The following ECT2 variants were observed in gnomAD, a reference collection of about 807,000 sequenced individuals.
ECT2 encodes the protein protein ECT2.
Under a neutral mutation model 116.9 loss-of-function variants are expected in ECT2, and 61 were observed. That is an observed-to-expected ratio of 0.52 (90% CI 0.42 to 0.65). The LOEUF is 0.65. ECT2 is among the 30% of genes least tolerant of loss of function. ECT2 has a pLI of 0.00. For missense variants in ECT2, 937 were observed against 1,078.7 expected, an observed-to-expected ratio of 0.87 and a Z score of 1.84; for synonymous variants, 358 against 346.4, an observed-to-expected ratio of 1.03 and a Z score of -0.37.
intron 14 of ECT2, among the ~76,000 whole-genome samples, chr3:172,781,925 G>T (rs1011980851): frequency 2.6e-5 from 4 of 152,134 alleles, no homozygotes; most frequent in Non-Finnish European, 5.9e-5. Flanking sequence ...CATCATATTG[G>T]AAAGTTAGGC....
chr3:172,759,583 A>C (rs1038693772), intron 6 of ECT2, among the ~76,000 whole-genome samples: 4 of 152,086 alleles, frequency 2.6e-5, no homozygotes, highest in African/African-American at 7.2e-5. Context: ...CTGGGACTAC[A>C]GGCGCCCGCC....
intron 13 of ECT2, 70 bp from the exon 14 acceptor site, chr3:172,773,833 A>C: frequency 6.8e-7 from 1 of 1,464,888 alleles, no homozygotes. Flanking sequence ...TGTCTCCTTT[A>C]TCACTGTCTA....
At chr3:172,755,120 A>G (rs889381165) in intron 2 of ECT2, among the ~76,000 whole-genome samples, 175 bp from the exon 3 acceptor site, 1 of 151,430 alleles carries the variant, frequency 6.6e-6, no homozygotes, top group Non-Finnish European at 1.5e-5. Flanking sequence ...CTCTAAAGTG[A>G]TATATAGCCA....
chr3:172,783,041 A>G (rs768447908), intron 15 of ECT2, among the ~76,000 whole-genome samples: 4 of 152,036 alleles, frequency 2.6e-5, no homozygotes, highest in Non-Finnish European at 5.9e-5. Flanking sequence ...TTCTTAGTTG[A>G]TAACACTTTT....
At chr3:172,783,981 ATG>A (rs1453112911) in intron 16 of ECT2, 72 bp downstream of exon 16, 1 of 1,089,862 alleles carries the variant, frequency 9.2e-7, no homozygotes, top group Admixed American at 2.4e-5. Context: ...TATGACAAAA[ATG>A]AAGTAAATTT....
Position 172,797,972 on chromosome 3 carries a change from C to T in ECT2, c.1908-4644C>T, listed in dbSNP as rs548123984. On this transcript the variant is annotated intron_variant, in intron 18 of 24. Coordinates refer to ENST00000392692, the MANE Select transcript of ECT2 (RefSeq NM_001258315.2). ...CTGTGATCCTGTTTTGATCAAATGT[C>T]TTGAGACTTTCAACATCTTTGGCAA... is the stretch of plus-strand genomic sequence containing the variant. 2.0e-3 allele frequency among the ~76,000 whole-genome samples: 311 copies of T among 152,204 alleles called. 2 individuals carry two copies. Among genetic ancestry groups the T allele is most frequent in the Non-Finnish European group, 3.8e-3 (255 of 67,998 alleles).
rs766308773 is a variant in ECT2 at position 172,816,877 on chromosome 3, T to C, written c.2655+40T>C. On this transcript the variant is annotated intron_variant, in intron 24 of 24. Coordinates refer to ENST00000392692, the MANE Select transcript of ECT2 (RefSeq NM_001258315.2). The stretch of plus-strand genomic sequence containing the variant: ...TTTAATGGGGTAAATGACTTATTTA[T>C]GAAGTTGTTATGGAATTTGTTAACT... The C allele has an allele frequency of 4.1e-6, 6 of 1,455,290 alleles. No homozygotes were observed. In the East Asian group the frequency reaches 1.2e-4, roughly 29 times the overall value. The allele number at this position is 1,455,290 out of a possible 1,614,324, so 90.1% of individuals were successfully genotyped here.
At position 172,754,673 on chromosome 3, in the gene ECT2, C is replaced by G; in HGVS notation, c.130+13C>G. The G allele has an allele frequency of 1.3e-6, 2 of 1,580,520 alleles. No homozygotes were observed. The highest frequency in any genetic ancestry group is 1.7e-6 in the Non-Finnish European group (2 of 1,162,338). ...TCATATGTAGAAGGTAAACCTGTTACCTGCTTTAAAACAATCAATTTCTAT... is the reference window on the plus strand; with the variant it reads ...TCATATGTAGAAGGTAAACCTGTTAGCTGCTTTAAAACAATCAATTTCTAT... On this transcript the variant is annotated intron_variant, in intron 2 of 24. Transcript: ENST00000392692.
chr3:172,786,852 A>G lies in ECT2; in HGVS notation c.1907+278A>G, dbSNP rs77900249. Among the ~76,000 whole-genome samples, 402 of 152,300 alleles carry G rather than the reference A, an allele frequency of 2.6e-3. 14 individuals are homozygous for G. In the East Asian group the frequency reaches 0.068, roughly 26 times the overall value. On this transcript the variant is annotated intron_variant, in intron 18 of 24. Transcript: ENST00000392692. ...TCCCTAATAGGCATTTTCTTCATAT[A>G]ACTCTAGTCATAGCTTGTTTCTGTC...
At chr3:172,763,188 G>C (rs1193860864) in intron 11 of ECT2, among the ~76,000 whole-genome samples, 1 of 152,120 alleles carries the variant, frequency 6.6e-6, no homozygotes, top group East Asian at 1.9e-4. Context: ...GCGAATTCTT[G>C]GTGATAACAT....
Position 172,797,683 on chromosome 3 carries a change from G to A in ECT2, c.1908-4933G>A, listed in dbSNP as rs368240068. On this transcript the variant is annotated intron_variant, in intron 18 of 24. Transcript: ENST00000392692. ...GAGCTTCCCCCAAGAAGGAACAATC[G>A]TACTGCAGAAAGTTTTTCTTTGCCT... 5.3e-5 allele frequency among the ~76,000 whole-genome samples: 8 copies of A among 152,148 alleles called. No homozygotes were observed. The South Asian group carries it at 8.3e-4, about 16-fold the overall frequency.
rs1022511709 is a variant in ECT2, at chr3:172,820,610, T to A, written c.*373T>A. 6.4e-6 allele frequency: 1 copy of A among 155,758 alleles called. No individual in the cohort carries two copies. Among genetic ancestry groups the A allele is most frequent in the African/African-American group, 2.4e-5 (1 of 41,550 alleles). The allele number at this position is 155,758 out of a possible 1,614,324, so 9.6% of individuals were successfully genotyped here. On this transcript the variant is annotated 3_prime_UTR_variant, in exon 25 of 25. Coordinates refer to ENST00000392692, the MANE Select transcript of ECT2 (RefSeq NM_001258315.2). ...TATTTGTATAGTATCCATGAATGAA[T>A]TTATGGAAATAGATATTTGTGCAGC...
intron 14 of ECT2, among the ~76,000 whole-genome samples, chr3:172,775,250 A>G (rs1025335624): frequency 6.6e-6 from 1 of 152,246 alleles, no homozygotes; most frequent in Admixed American, 6.5e-5. Flanking sequence ...ATTAATATTT[A>G]TGTCACATTC....
chr3:172,810,420 G>T (rs548595750), intron 22 of ECT2, among the ~76,000 whole-genome samples: 1 of 152,078 alleles, frequency 6.6e-6, no homozygotes, highest in African/African-American at 2.4e-5. Context: ...ATAGACCAAC[G>T]ATTGGACATA....
At position 172,805,812 on chromosome 3, in the gene ECT2, A is replaced by G; in HGVS notation, c.2188A>G (p.Ile730Val). 6.2e-7 allele frequency: 1 copy of G among 1,613,852 alleles called. No homozygotes were observed. Among genetic ancestry groups the G allele is most frequent in the South Asian group, 1.1e-5 (1 of 91,072 alleles). ...QTRPPASLKH[I>V]HLMPLSQIKK... is the part of the protein sequence containing the mutation. ...CCGACCCCCAGCTTCTCTTAAGCAT[A>G]TTCACCTAATGCCTCTTTCTCAGAT... The change falls in exon 21 of 25, where the codon ATT (isoleucine) becomes GTT (valine). Residue 730 changes from isoleucine to valine, a missense_variant. Ile to Val is a conservative substitution (Grantham distance 29). Coordinates refer to ENST00000392692, the MANE Select transcript of ECT2 (RefSeq NM_001258315.2).
At chr3:172,823,024 ATT>A (rs1465434449), downstream of ECT2, among the ~76,000 whole-genome samples, 6 of 151,898 alleles carry the variant, frequency 4.0e-5, no homozygotes, top group African/African-American at 1.2e-4. Flanking sequence ...CACATTAAGT[ATT>A]GAGCAAAGTC....
chr3:172,792,071 C>T (rs1724775984), intron 18 of ECT2, among the ~76,000 whole-genome samples: 1 of 152,098 alleles, frequency 6.6e-6, no homozygotes, highest in Non-Finnish European at 1.5e-5. Context: ...GTGGAGCACT[C>T]AGAACACACA....
chr3:172,829,162 G>A, the ECT2 span: 1 of 537,268 alleles, frequency 1.9e-6, no homozygotes, highest in South Asian at 1.9e-5. Context: ...CAGTGCCCCA[G>A]TGGTCTGCAT....
At chr3:172,817,195 C>T (rs1729884927) in intron 24 of ECT2, among the ~76,000 whole-genome samples, 1 of 152,084 alleles carries the variant, frequency 6.6e-6, no homozygotes, top group Non-Finnish European at 1.5e-5. Flanking sequence ...GCATGGAAAG[C>T]ATGATGCTAG....
Sources: gnomAD v4.1 joint callset for allele counts (sites outside exome capture counted in the v4.1 genomes callset) on GRCh38, gnomAD v4.1.1 for gene constraint, MANE v1.5 for transcripts, NCBI Gene and HGNC (gene_info 2026-07-23, HGNC 2026-07-21) for gene names.